The following CRYBA2 variants were observed in gnomAD, a reference collection of about 807,000 sequenced individuals.
CRYBA2 encodes the protein beta-crystallin A2.
A neutral mutation model predicts 18.5 loss-of-function variants in CRYBA2; 17 were observed. The observed-to-expected ratio is 0.92, with a 90% confidence interval of 0.63 to 1.38. The LOEUF is 1.38. CRYBA2 is among the 40% of genes most tolerant of loss of function. CRYBA2 has a pLI of 0.00. For synonymous variants in CRYBA2, 101 were observed against 106.2 expected (o/e 0.95, Z 0.30); for missense variants, 271 against 265.0 (o/e 1.02, Z -0.16).
At chr2:218,991,188 C>CCT in intron 2 of CRYBA2, 194 bp from the exon 3 acceptor site, 1 of 691,026 alleles carries the variant, frequency 1.4e-6, no homozygotes, top group Non-Finnish European at 2.3e-6. Context: ...TTCCCCCGAA[C>CCT]CTGGCCCCTC....
intron 2 of CRYBA2, 147 bp from the exon 3 acceptor site, chr2:218,991,141 AGCT>A: frequency 8.2e-7 from 1 of 1,221,078 alleles, no homozygotes; most frequent in South Asian, 1.6e-5. Flanking sequence ...TCACCCCATC[AGCT>A]CCCTGGCAGT....
intron 2 of CRYBA2, chr2:218,991,739 T>C (rs535985299): frequency 3.0e-4 from 73 of 241,098 alleles, no homozygotes; most frequent in African/African-American, 1.6e-3. Context: ...TTTGTCCCTT[T>C]GAGCCCCATT....
rs758731924 is a variant in CRYBA2 at position 218,992,982 on chromosome 2, A to C, written c.161+34T>G. On this transcript the variant is annotated intron_variant, in intron 1 of 3. Coordinates refer to ENST00000295728, the MANE Select transcript of CRYBA2 (RefSeq NM_057093.2). ...AGGCCGGTGGAACCCAGCGCCCCTC[A>C]ACCCAGCCCAGCCGCGGCCAGGCAA... 5.1e-6 allele frequency: 8 copies of C among 1,570,584 alleles called. No individual in the cohort carries two copies. The African/African-American group carries it at 5.4e-5, about 11-fold the overall frequency.
chr2:218,993,143 C>T lies in CRYBA2; in HGVS notation c.34G>A (p.Ala12Thr). 1.2e-6 allele frequency: 2 copies of T among 1,601,652 alleles called. No individual in the cohort carries two copies. The highest frequency in any genetic ancestry group is 1.7e-6 in the Non-Finnish European group (2 of 1,173,960). The part of the protein sequence containing the change: ...SSAPAPGPAP[A>T]SLTLWDEEDF... Reference sequence around the variant, plus strand: ...TCCTCGTCCCAGAGCGTGAGGCTGGCGGGCGCCGGGCCCGGCGCGGGGGCG... The same window carrying T: ...TCCTCGTCCCAGAGCGTGAGGCTGGTGGGCGCCGGGCCCGGCGCGGGGGCG... The change falls in exon 1 of 4, where the codon GCC becomes ACC. Residue 12 changes from alanine to threonine, a missense_variant. By Grantham distance (58) the Ala-to-Thr change is moderately conservative (BLOSUM62 0). Coordinates refer to ENST00000295728, the MANE Select transcript of CRYBA2 (RefSeq NM_057093.2). This position sits in a 1 kb window ranked among gnomAD's most constrained non-coding sequence, Gnocchi z 7.7.
Position 218,990,220 on chromosome 2 carries a change from G to A in CRYBA2, c.*32C>T. ...GAAGATTCAGGAACCTTTATTGAGTGTCCTCAGGGAAGGTGTCTGGGGCCG... is the reference window on the plus strand; with the variant it reads ...GAAGATTCAGGAACCTTTATTGAGTATCCTCAGGGAAGGTGTCTGGGGCCG... On this transcript the variant is annotated 3_prime_UTR_variant, in exon 4 of 4. Coordinates refer to ENST00000295728, the MANE Select transcript of CRYBA2 (RefSeq NM_057093.2). 3 of 1,612,574 alleles carry A rather than the reference G, an allele frequency of 1.9e-6. No homozygotes were observed. The highest frequency in any genetic ancestry group is 2.5e-6 in the Non-Finnish European group (3 of 1,178,770).
intron 2 of CRYBA2, chr2:218,991,345 C>T (rs1478748045): frequency 4.7e-6 from 1 of 211,964 alleles, no homozygotes; most frequent in Non-Finnish European, 9.4e-6. Flanking sequence ...TTCACCAAGA[C>T]AGTTCCCTGA....
chr2:218,990,349 T>A lies in CRYBA2; in HGVS notation c.497A>T (p.Glu166Val). The change falls in exon 4 of 4, where the codon GAG becomes GTG. Residue 166 changes from glutamate to valine, a missense_variant. Coordinates refer to ENST00000295728, the MANE Select transcript of CRYBA2 (RefSeq NM_057093.2). ...PGYRGYQYVLERDRHSGEFCT... is the reference protein window; with the variant it reads ...PGYRGYQYVLVRDRHSGEFCT... Reference sequence around the variant, plus strand: ...GAACTCTCCGCTGTGCCGGTCCCGCTCCAACACATACTGGTAGCCTCGGTA... The same window carrying A: ...GAACTCTCCGCTGTGCCGGTCCCGCACCAACACATACTGGTAGCCTCGGTA... 6.2e-7 allele frequency: 1 copy of A among 1,614,060 alleles called. No individual in the cohort carries two copies.
rs768046483 is a variant in CRYBA2, at chr2:218,993,199, G to A, written c.-23C>T. The A allele has an allele frequency of 2.5e-6, 4 of 1,570,702 alleles. No individual in the cohort carries two copies. In the African/African-American group the frequency reaches 5.5e-5, roughly 21 times the overall value. On this transcript the variant is annotated 5_prime_UTR_variant, in exon 1 of 4. Coordinates refer to ENST00000295728, the MANE Select transcript of CRYBA2 (RefSeq NM_057093.2). The surrounding 1 kb of genome is among the most constrained non-coding windows in gnomAD (Gnocchi z 7.7). ...CATGCCGCTGCGGACAGGAAGGGTGGCACCACGCGCTCAGCGTCTCAAGAG... is the reference window on the plus strand; with the variant it reads ...CATGCCGCTGCGGACAGGAAGGGTGACACCACGCGCTCAGCGTCTCAAGAG...
chr2:218,991,280 A>G, intron 2 of CRYBA2: 2 of 311,414 alleles, frequency 6.4e-6, no homozygotes, highest in Non-Finnish European at 1.2e-5. Flanking sequence ...GCATCTTGTG[A>G]CATGGGCCCA....
chr2:218,992,675 G>A (rs1335769630), intron 1 of CRYBA2, among the ~76,000 whole-genome samples: 1 of 152,140 alleles, frequency 6.6e-6, no homozygotes, highest in Non-Finnish European at 1.5e-5. Flanking sequence ...CCAGGGAAAG[G>A]GATTGGGTTT....
intron 1 of CRYBA2, 28 bp from the exon 2 acceptor site, chr2:218,992,271 T>A: frequency 6.2e-7 from 1 of 1,608,512 alleles, no homozygotes; most frequent in Non-Finnish European, 8.5e-7. Flanking sequence ...CTGGGAGGTA[T>A]CTGCCCCAGC....
chr2:218,990,258 C>T lies in CRYBA2; in HGVS notation c.588G>A (p.Gln196=), dbSNP rs773859071. ...TGQLQSIRRV[Q]H ...GTGTCTGGGGCCGTGGAGCCTAGTGCTGGACTCTCCGGATGGACTGCAGCT... is the reference window on the plus strand; with the variant it reads ...GTGTCTGGGGCCGTGGAGCCTAGTGTTGGACTCTCCGGATGGACTGCAGCT... The change falls in exon 4 of 4, where the codon CAG becomes CAA. Residue 196 remains glutamine (Q), a synonymous_variant. Coordinates refer to ENST00000295728, the MANE Select transcript of CRYBA2 (RefSeq NM_057093.2). 1.2e-6 allele frequency: 2 copies of T among 1,614,132 alleles called. No homozygotes were observed. The highest frequency in any genetic ancestry group is 1.7e-6 in the Non-Finnish European group (2 of 1,180,004).
rs777427421 is a variant in CRYBA2 at position 218,990,860 on chromosome 2, G to A, written c.438C>T (p.Ser146=). The change falls in exon 3 of 4, where the codon AGC becomes AGT. Residue 146 remains serine, a synonymous_variant. Transcript: ENST00000295728. ...ASKDVGSLKV[S]SGAWVAYQYP... is the part of the protein sequence containing the mutation. ...CCAGTTCCAGGACTCACGCTCCGGA[G>A]CTGACTTTGAGGGAACCCACATCCT... 11 of 1,613,684 alleles carry A rather than the reference G, an allele frequency of 6.8e-6. No individual in the cohort carries two copies. The East Asian group carries it at 2.5e-4, about 36-fold the overall frequency.
At chr2:218,992,469 C>T (rs888501259) in intron 1 of CRYBA2, among the ~76,000 whole-genome samples, 1 of 152,170 alleles carries the variant, frequency 6.6e-6, no homozygotes, top group Non-Finnish European at 1.5e-5. Flanking sequence ...CCTCAAGGAC[C>T]CCAGGTTGGG....
At chr2:218,990,554 C>T (rs778743003) in intron 3 of CRYBA2, among the ~76,000 whole-genome samples, 155 bp from the exon 4 acceptor site, 1 of 151,822 alleles carries the variant, frequency 6.6e-6, no homozygotes, top group Non-Finnish European at 1.5e-5. Context: ...CCCCTGCCCA[C>T]TGCTTCCAGT....
chr2:218,992,024 G>A, intron 2 of CRYBA2, 78 bp downstream of exon 2: 1 of 1,356,894 alleles, frequency 7.4e-7, no homozygotes, highest in Non-Finnish European at 1.0e-6. Context: ...TGCAGGGCTT[G>A]AACAGCCTTT....
chr2:218,991,135 C>A, intron 2 of CRYBA2, 141 bp from the exon 3 acceptor site: 3 of 1,245,426 alleles, frequency 2.4e-6, no homozygotes, highest in Non-Finnish European at 3.3e-6. Context: ...CAGAGCTCAC[C>A]CCATCAGCTC....
rs984768621 is a variant in CRYBA2 at position 218,991,883 on chromosome 2, G to A, written c.303+219C>T. 5.0e-5 allele frequency: 28 copies of A among 563,238 alleles called. No homozygotes were observed. The South Asian group carries it at 5.8e-4, about 12-fold the overall frequency. The allele number at this position is 563,238 out of a possible 1,614,324, so 34.9% of individuals were successfully genotyped here. ...GGCACTCAGGACTGGGATGGCCTCAGCGCTGTCCGTGGTGATGATTTCTGG... is the reference window on the plus strand; with the variant it reads ...GGCACTCAGGACTGGGATGGCCTCAACGCTGTCCGTGGTGATGATTTCTGG... On this transcript the variant is annotated intron_variant, in intron 2 of 3. Transcript: ENST00000295728.
rs1574492137 is a variant in CRYBA2 at position 218,992,922 on chromosome 2, G to T, written c.161+94C>A. 4 of 1,028,060 alleles carry T rather than the reference G, an allele frequency of 3.9e-6. No homozygotes were observed. The East Asian group carries it at 1.0e-4, about 26-fold the overall frequency. The allele number at this position is 1,028,060 out of a possible 1,614,324, so 63.7% of individuals were successfully genotyped here. On this transcript the variant is annotated intron_variant, in intron 1 of 3. Coordinates refer to ENST00000295728, the MANE Select transcript of CRYBA2 (RefSeq NM_057093.2). ...TTTCCCATGTTGGCAGGTCTCTCCA[G>T]GGCTCACAGGACAGGGGGCTGAGGC... is the stretch of plus-strand genomic sequence containing the variant.
Sources: allele counts gnomAD v4.1 joint callset (sites outside exome capture counted in the v4.1 genomes callset), GRCh38; gene constraint gnomAD v4.1.1; non-coding constraint Gnocchi (gnomAD v3.1); transcripts MANE v1.5; gene names NCBI Gene and HGNC (gene_info 2026-07-23, HGNC 2026-07-21).